PRKN: variants seen among roughly 807,000 people sequenced by gnomAD.
The protein encoded by PRKN is parkin RBR E3 ubiquitin protein ligase.
Under a neutral mutation model 59.5 loss-of-function variants are expected in PRKN, and 56 were observed. The ratio of observed to expected loss-of-function variants is 0.94; its 90% CI spans 0.76 to 1.18. The LOEUF (loss-of-function observed/expected upper bound fraction) is 1.18, where lower values mean the gene tolerates loss of function less well. Among genes scored for constraint, PRKN ranks in the 50% most tolerant of loss-of-function variants. The pLI, the probability that PRKN is intolerant of heterozygous loss-of-function variation, is 0.00. For synonymous variants in PRKN, 250 were observed against 222.1 expected (o/e 1.13, Z -1.12); for missense variants, 657 against 596.4 (o/e 1.10, Z -1.06).
At chr6:162,163,991 A>G (rs1183266531) in intron 4 of PRKN, among the ~76,000 whole-genome samples, 1 of 148,918 alleles carries the variant, frequency 6.7e-6, no homozygotes, top group Non-Finnish European at 1.5e-5. Flanking sequence ...TAAGATGAAA[A>G]TGAGGGCGGA....
At chr6:162,396,602 C>T (rs1159214092) in intron 2 of PRKN, among the ~76,000 whole-genome samples, 1 of 152,196 alleles carries the variant, frequency 6.6e-6, no homozygotes, top group African/African-American at 2.4e-5. Flanking sequence ...AGCAGACCCA[C>T]TCTGGACCCG....
intron 4 of PRKN, among the ~76,000 whole-genome samples, chr6:162,063,486 C>T (rs117054617): frequency 1.1e-3 from 168 of 152,108 alleles, no homozygotes; most frequent in African/African-American, 3.3e-3. Flanking sequence ...GATTAACAAA[C>T]GCTCTCATAT....
chr6:161,859,411 T>C (rs1030019784), intron 6 of PRKN, among the ~76,000 whole-genome samples: 1 of 151,780 alleles, frequency 6.6e-6, no homozygotes, highest in Non-Finnish European at 1.5e-5. Flanking sequence ...GAGACCATCC[T>C]GGCCAACATG....
At chr6:161,729,719 G>A (rs143969308) in intron 7 of PRKN, among the ~76,000 whole-genome samples, 1 of 152,356 alleles carries the variant, frequency 6.6e-6, no homozygotes, top group African/African-American at 2.4e-5. Flanking sequence ...TGTTCAAGAT[G>A]AAACTTGTGA....
chr6:162,200,191 C>G (rs1388203751), intron 4 of PRKN, among the ~76,000 whole-genome samples: 1 of 152,112 alleles, frequency 6.6e-6, no homozygotes, highest in Non-Finnish European at 1.5e-5. Flanking sequence ...TTGACACCCC[C>G]GTGTCTGTGT....
intron 9 of PRKN, among the ~76,000 whole-genome samples, chr6:161,452,939 C>T (rs1583087806): frequency 6.6e-6 from 1 of 151,936 alleles, no homozygotes; most frequent in East Asian, 1.9e-4. Flanking sequence ...GAATTTTGCA[C>T]TATTGTGCTC....
intron 7 of PRKN, among the ~76,000 whole-genome samples, chr6:161,747,268 T>C (rs913387055): frequency 1.3e-5 from 2 of 152,200 alleles, no homozygotes; most frequent in Non-Finnish European, 2.9e-5. Flanking sequence ...TTCCTCTCTT[T>C]GGAGATTTCT....
chr6:161,398,338 C>T (rs1452996375), intron 9 of PRKN, among the ~76,000 whole-genome samples: 7 of 152,136 alleles, frequency 4.6e-5, no homozygotes, highest in Admixed American at 3.3e-4. Flanking sequence ...AAATTCACAT[C>T]ACAGCACTGG....
Position 162,078,882 on chromosome 6 carries a change from T to A in PRKN, c.535-24708A>T, listed in dbSNP as rs202120209. Among the ~76,000 whole-genome samples, 52 of 46,986 alleles carry A rather than the reference T, an allele frequency of 1.1e-3. 1 individual carries two copies. In the Admixed American group the frequency reaches 0.012, roughly 10 times the overall value. 30.8% of individuals were successfully genotyped at this position (46,986 alleles called of 152,430 possible). On this transcript the variant is annotated intron_variant, in intron 4 of 11. Transcript: ENST00000366898. ...TACTTAATAATTAATACTTAATAAT[T>A]AATAAATACTTTAAAAAAGATTAGG...
chr6:162,204,843 ATCT>A (rs960758923), intron 3 of PRKN, among the ~76,000 whole-genome samples: 11 of 151,064 alleles, frequency 7.3e-5, no homozygotes, highest in South Asian at 2.1e-4. Flanking sequence ...TAAGAAGTCC[ATCT>A]TCTTCTTCTT....
intron 6 of PRKN, among the ~76,000 whole-genome samples, chr6:161,910,768 C>T (rs998247829): frequency 1.3e-5 from 2 of 152,232 alleles, no homozygotes; most frequent in East Asian, 3.9e-4. Context: ...GTTTCCACAG[C>T]TGCCCAAACA....
At chr6:162,118,841 G>C (rs918898506) in intron 4 of PRKN, among the ~76,000 whole-genome samples, 2 of 152,196 alleles carry the variant, frequency 1.3e-5, no homozygotes, top group Admixed American at 6.5e-5. Context: ...CTTTGAACAC[G>C]AAGATGATGA....
chr6:161,902,319 T>C (rs540875579), intron 6 of PRKN, among the ~76,000 whole-genome samples: 1 of 152,272 alleles, frequency 6.6e-6, no homozygotes, highest in South Asian at 2.1e-4. Context: ...GCTTCTGAAC[T>C]GGACTTTTGA....
chr6:162,474,490 T>C (rs1171586226), intron 1 of PRKN, among the ~76,000 whole-genome samples: 1 of 152,192 alleles, frequency 6.6e-6, no homozygotes, highest in Non-Finnish European at 1.5e-5. Flanking sequence ...AAGCCTACAG[T>C]ATAAATTTAT....
intron 9 of PRKN, among the ~76,000 whole-genome samples, chr6:161,479,004 A>G (rs1275510683): frequency 6.6e-6 from 1 of 152,238 alleles, no homozygotes; most frequent in East Asian, 1.9e-4. Flanking sequence ...CAATGAAAAC[A>G]ATTTATACAT....
intron 7 of PRKN, among the ~76,000 whole-genome samples, chr6:161,708,511 TGTATGGGGGGGAG>T (rs1286752169): frequency 6.6e-6 from 1 of 150,496 alleles, no homozygotes; most frequent in Non-Finnish European, 1.5e-5. Context: ...GAGGATTCTG[TGTATGGGGGGGAG>T]GTATTTCTGG....
At chr6:162,102,633 G>T (rs1038498198) in intron 4 of PRKN, among the ~76,000 whole-genome samples, 7 of 150,832 alleles carry the variant, frequency 4.6e-5, no homozygotes, top group Non-Finnish European at 1.0e-4. Flanking sequence ...AAAGATCCAT[G>T]CCTTCTTAAA....
At chr6:161,927,352 T>C (rs1282448382) in intron 6 of PRKN, among the ~76,000 whole-genome samples, 2 of 152,142 alleles carry the variant, frequency 1.3e-5, no homozygotes, top group African/African-American at 4.8e-5. Flanking sequence ...CCTCCATATT[T>C]TTAAGCTGAA....
chr6:162,624,569 G>A (rs974689062), intron 1 of PRKN: 9 of 152,186 alleles, frequency 5.9e-5, no homozygotes, highest in Admixed American at 2.0e-4. Context: ...ACAGCTTGAA[G>A]TATTTAAGCA....
Sources: gnomAD v4.1 joint callset for allele counts (sites outside exome capture counted in the v4.1 genomes callset) on GRCh38, gnomAD v4.1.1 for gene constraint, MANE v1.5 for transcripts, NCBI Gene and HGNC (gene_info 2026-07-23, HGNC 2026-07-21) for gene names.